Variants in SPAG16 observed in about 807,000 individuals in gnomAD.
SPAG16 encodes sperm-associated antigen 16 protein.
A neutral mutation model predicts 80.4 loss-of-function variants in SPAG16; 86 were observed. The ratio of observed to expected loss-of-function variants is 1.07; its 90% CI spans 0.90 to 1.28. The LOEUF is 1.28. Among genes scored for constraint, SPAG16 ranks in the 50% most tolerant of loss-of-function variants. SPAG16 has a pLI of 0.00. For missense variants in SPAG16, 870 were observed against 765.3 expected (o/e 1.14, Z -1.61); for synonymous variants, 294 against 265.9 (o/e 1.11, Z -1.03).
intron 10 of SPAG16, among the ~76,000 whole-genome samples, chr2:213,518,827 G>T (rs1273243901): frequency 6.6e-6 from 1 of 152,174 alleles, no homozygotes; most frequent in East Asian, 1.9e-4. Flanking sequence ...GACATAGGTG[G>T]CTATCCATGG....
In SPAG16 at chr2:213,387,431, C is replaced by CTTTTTTTTTTTTTTTTTT. The variant is rs71060428; in HGVS notation, c.942+12324_942+12341dup. ...TTTGGGTTGGAATGAAATGCATGCT[C>CTTTTTTTTTTTTTTTTTT]TTTTTTTTTTTTTTTTTTTTTTTTT... On this transcript the variant is annotated intron_variant, in intron 9 of 15. Coordinates refer to ENST00000331683, the MANE Select transcript of SPAG16 (RefSeq NM_024532.5). Among the ~76,000 whole-genome samples, 6 of 47,898 alleles carry CTTTTTTTTTTTTTTTTTT rather than the reference C, an allele frequency of 1.3e-4. 2 individuals carry two copies. The highest frequency in any genetic ancestry group is 7.1e-4 in the Admixed American group (2 of 2,822). 31.4% of individuals were successfully genotyped at this position (47,898 alleles called of 152,430 possible).
chr2:213,312,154 T>C (rs879427926), intron 4 of SPAG16, among the ~76,000 whole-genome samples: 11 of 151,696 alleles, frequency 7.3e-5, no homozygotes, highest in Admixed American at 4.6e-4. Flanking sequence ...AGGAGAGATA[T>C]GGCCTGTAAA....
At chr2:213,758,057 A>G (rs541977856) in intron 10 of SPAG16, 1 of 151,620 alleles carries the variant, frequency 6.6e-6, no homozygotes, top group Non-Finnish European at 1.5e-5. Context: ...TCAGAAAATG[A>G]CTAAGTTACT....
chr2:213,439,977 G>T (rs1428842556), intron 9 of SPAG16, among the ~76,000 whole-genome samples: 2 of 152,126 alleles, frequency 1.3e-5, no homozygotes, highest in Non-Finnish European at 2.9e-5. Context: ...TTTGTTTAGA[G>T]GACATAAAAT....
intron 9 of SPAG16, among the ~76,000 whole-genome samples, chr2:213,376,110 A>G (rs533603281): frequency 6.6e-6 from 1 of 151,442 alleles, no homozygotes; most frequent in Admixed American, 6.6e-5. Flanking sequence ...GCTTTTTCAG[A>G]TTAGTGTTTT....
intron 15 of SPAG16, among the ~76,000 whole-genome samples, chr2:214,396,496 T>C (rs944732934): frequency 2.0e-5 from 3 of 152,140 alleles, no homozygotes; most frequent in African/African-American, 7.2e-5. Context: ...TTATTGTTTT[T>C]ATTTTCCAAG....
intron 10 of SPAG16, among the ~76,000 whole-genome samples, chr2:213,613,848 A>T (rs1044068186): frequency 6.6e-6 from 1 of 152,220 alleles, no homozygotes; most frequent in African/African-American, 2.4e-5. Flanking sequence ...AGGAATAAAA[A>T]ATTTGGAAGT....
At chr2:214,021,474 A>C (rs959048742) in intron 13 of SPAG16, among the ~76,000 whole-genome samples, 1 of 151,996 alleles carries the variant, frequency 6.6e-6, no homozygotes, top group Admixed American at 6.6e-5. Context: ...AAACCATCAG[A>C]TCTCATGAGA....
At chr2:213,404,405 A>G (rs1470916877) in intron 9 of SPAG16, among the ~76,000 whole-genome samples, 3 of 152,100 alleles carry the variant, frequency 2.0e-5, no homozygotes, top group Admixed American at 1.3e-4. Flanking sequence ...ATAATGCTGC[A>G]TATCTACAAC....
chr2:214,147,568 G>T (rs775388759), intron 14 of SPAG16, among the ~76,000 whole-genome samples: 1 of 152,148 alleles, frequency 6.6e-6, no homozygotes, highest in Non-Finnish European at 1.5e-5. Flanking sequence ...TATTTGGAAA[G>T]AATTCTTTCT....
chr2:213,845,935 G>T (rs1356253002), intron 10 of SPAG16, among the ~76,000 whole-genome samples: 1 of 152,200 alleles, frequency 6.6e-6, no homozygotes, highest in African/African-American at 2.4e-5. Context: ...TTCTCATGAT[G>T]AAAGTGGGGT....
intron 12 of SPAG16, among the ~76,000 whole-genome samples, chr2:214,012,280 A>G (rs1212117937): frequency 2.2e-5 from 1 of 46,384 alleles, no homozygotes; most frequent in Non-Finnish European, 3.8e-5. Flanking sequence ...ATATATATAT[A>G]TATATATATT....
chr2:214,041,452 CTT>C (rs35019214), intron 13 of SPAG16, among the ~76,000 whole-genome samples: 1 of 143,184 alleles, frequency 7.0e-6, no homozygotes. Flanking sequence ...GTAGTAGTTT[CTT>C]TTTTTTTTTT....
At chr2:213,402,989 T>G (rs1279006047) in intron 9 of SPAG16, among the ~76,000 whole-genome samples, 3 of 152,030 alleles carry the variant, frequency 2.0e-5, no homozygotes, top group African/African-American at 4.8e-5. Context: ...TCTAGATCCC[T>G]GAGGAATCGC....
intron 15 of SPAG16, among the ~76,000 whole-genome samples, chr2:214,319,224 A>ACACACACACACACACACACAC (rs1553554490): frequency 2.6e-5 from 4 of 151,118 alleles, no homozygotes; most frequent in Admixed American, 1.3e-4. Context: ...ACACACACAC[A>ACACACACACACACACACACAC]AGAAGTGTAG....
At chr2:214,064,420 G>T (rs2050433457) in intron 13 of SPAG16, among the ~76,000 whole-genome samples, 1 of 151,918 alleles carries the variant, frequency 6.6e-6, no homozygotes, top group South Asian at 2.1e-4. Context: ...CTCATTTAGG[G>T]TGCTAAAATC....
At chr2:214,058,280 G>A (rs960005603) in intron 13 of SPAG16, among the ~76,000 whole-genome samples, 2 of 152,024 alleles carry the variant, frequency 1.3e-5, no homozygotes, top group Non-Finnish European at 2.9e-5. Context: ...TGAACACTTC[G>A]AGGCCATTGT....
intron 15 of SPAG16, among the ~76,000 whole-genome samples, chr2:214,339,684 A>C (rs921951803): frequency 6.6e-6 from 1 of 152,220 alleles, no homozygotes; most frequent in Non-Finnish European, 1.5e-5. Context: ...AAACTTCTCA[A>C]TATAAATTTC....
chr2:213,934,824 T>C (rs2078919077), intron 12 of SPAG16, among the ~76,000 whole-genome samples: 1 of 152,068 alleles, frequency 6.6e-6, no homozygotes, highest in South Asian at 2.1e-4. Flanking sequence ...GAAAGAACAA[T>C]TGTCAAGCTG....
Sources: allele counts gnomAD v4.1 joint callset (sites outside exome capture counted in the v4.1 genomes callset), GRCh38; gene constraint gnomAD v4.1.1; transcripts MANE v1.5; gene names NCBI Gene and HGNC (gene_info 2026-07-23, HGNC 2026-07-21).